MAEA: variants seen among roughly 807,000 people sequenced by gnomAD.
The protein encoded by MAEA is macrophage erythroblast attacher, E3 ubiquitin ligase, also known as E3 ubiquitin-protein transferase MAEA.
Under a neutral mutation model 46.2 loss-of-function variants are expected in MAEA, and 22 were observed. That is an observed-to-expected ratio of 0.48 (90% CI 0.34 to 0.68). MAEA has a LOEUF of 0.68. Among genes scored for constraint, MAEA ranks in the 30% least tolerant of loss-of-function variants. The probability of loss-of-function intolerance (pLI) is 0.01; values close to 1 mark genes in which losing one functional copy is unlikely to be tolerated. For missense variants in MAEA, 393 were observed against 558.1 expected, an observed-to-expected ratio of 0.70 and a Z score of 2.98; for synonymous variants, 246 against 222.6, an observed-to-expected ratio of 1.11 and a Z score of -0.94.
intron 1 of MAEA, among the ~76,000 whole-genome samples, chr4:1,295,708 CCCCCCTCACCCGCTCCTGTA>C (rs1447678467): frequency 3.2e-4 from 29 of 90,788 alleles, no homozygotes; most frequent in East Asian, 1.4e-3. Flanking sequence ...CACACCTGTA[CCCCCCTCACCCGCTCCTGTA>C]CCCCCTCACC....
intron 1 of MAEA, chr4:1,309,428 G>T: frequency 7.9e-7 from 1 of 1,273,770 alleles, no homozygotes; most frequent in South Asian, 2.9e-5. Context: ...AGAGGAGGCG[G>T]TGCTTTCCGG....
chr4:1,329,647 G>A, intron 5 of MAEA: 2 of 985,576 alleles, frequency 2.0e-6, no homozygotes, highest in South Asian at 9.4e-5. Context: ...GGGAAGTCCG[G>A]CCTCAGCTCA....
chr4:1,326,146 G>A (rs1333128577), intron 4 of MAEA, among the ~76,000 whole-genome samples: 1 of 152,214 alleles, frequency 6.6e-6, no homozygotes, highest in Non-Finnish European at 1.5e-5. Flanking sequence ...AGGCGGGGTG[G>A]GCTGGAGCAC....
chr4:1,304,321 C>T (rs186915018), intron 1 of MAEA, among the ~76,000 whole-genome samples: 25 of 151,946 alleles, frequency 1.6e-4, no homozygotes, highest in African/African-American at 4.6e-4. Context: ...TTTGTAGAGA[C>T]GGGGGTGTCT....
chr4:1,294,538 C>G lies in MAEA; in HGVS notation c.69+4556C>G, dbSNP rs377033305. 6.6e-4 allele frequency among the ~76,000 whole-genome samples: 99 copies of G among 149,686 alleles called. 3 individuals are homozygous for G. The South Asian group carries it at 0.016, about 24-fold the overall frequency. ...CCCTGGGACCTAAGCAAGGCACCGC[C>G]GCCGGGCTGCAGAGCAGGGCTGCAG... On this transcript the variant is annotated intron_variant, in intron 1 of 8. Coordinates refer to ENST00000303400, the MANE Select transcript of MAEA (RefSeq NM_001017405.3).
At chr4:1,295,051 C>G (rs780952524) in intron 1 of MAEA, among the ~76,000 whole-genome samples, 1 of 152,050 alleles carries the variant, frequency 6.6e-6, no homozygotes, top group South Asian at 2.1e-4. Flanking sequence ...GGCAGTGACT[C>G]GGTCTGTGGG....
intron 5 of MAEA, chr4:1,329,171 C>T (rs1253121859): frequency 2.0e-6 from 2 of 985,708 alleles, no homozygotes; most frequent in East Asian, 1.1e-4. Context: ...TAGGTGGCAG[C>T]TGGTTCCGCA....
At position 1,322,365 on chromosome 4, in the gene MAEA, G is replaced by C. The variant is rs745699711; in HGVS notation, c.457-16G>C. On this transcript the variant is annotated splice_polypyrimidine_tract_variant and intron_variant, in intron 3 of 8. Coordinates refer to ENST00000303400, the MANE Select transcript of MAEA (RefSeq NM_001017405.3). ...AGCCAGCACATTCTGATCAGGTGCT[G>C]CTTCCTTCCTCTAAGGACCTAGTGA... is the stretch of plus-strand genomic sequence containing the variant. 1.1e-5 allele frequency: 17 copies of C among 1,613,382 alleles called. No individual in the cohort carries two copies. The Admixed American group carries it at 2.7e-4, about 25-fold the overall frequency.
intron 1 of MAEA, among the ~76,000 whole-genome samples, chr4:1,296,471 G>A (rs894930580): frequency 3.1e-5 from 4 of 128,630 alleles, no homozygotes; most frequent in Non-Finnish European, 4.9e-5. Flanking sequence ...CCCCTCACCC[G>A]TGCCTGTGCC....
chr4:1,317,519 T>C (rs1424289858), intron 3 of MAEA, among the ~76,000 whole-genome samples: 1 of 151,830 alleles, frequency 6.6e-6, no homozygotes, highest in Non-Finnish European at 1.5e-5. Context: ...CCATGCCTTC[T>C]CCCCACTGCT....
intron 6 of MAEA, chr4:1,335,432 G>A: frequency 1.0e-6 from 1 of 985,390 alleles, no homozygotes; most frequent in Non-Finnish European, 1.2e-6. Context: ...GTCAGCACTG[G>A]CCCCACAGTG....
At chr4:1,300,577 GCTCTT>G (rs926646116) in intron 1 of MAEA, among the ~76,000 whole-genome samples, 10 of 152,274 alleles carry the variant, frequency 6.6e-5, no homozygotes, top group African/African-American at 2.4e-4. Context: ...CACGGCCCCG[GCTCTT>G]CCGTGCTGCC....
At chr4:1,316,935 C>CT (rs563606773) in intron 3 of MAEA, among the ~76,000 whole-genome samples, 38 of 145,134 alleles carry the variant, frequency 2.6e-4, no homozygotes, top group South Asian at 2.0e-3. Flanking sequence ...CAGGCCCACC[C>CT]GGCCCCACAC....
chr4:1,316,844 C>G (rs1216199172), intron 3 of MAEA, among the ~76,000 whole-genome samples: 3 of 152,048 alleles, frequency 2.0e-5, no homozygotes, highest in Non-Finnish European at 2.9e-5. Flanking sequence ...ATCTGCACGC[C>G]CTGCTGGCTT....
chr4:1,315,595 A>G lies in MAEA; in HGVS notation c.451A>G (p.Ile151Val). The G allele has an allele frequency of 6.2e-7, 1 of 1,612,756 alleles. No individual in the cohort carries two copies. The highest frequency in any genetic ancestry group is 8.5e-7 in the Non-Finnish European group (1 of 1,179,642). Residue 151 changes from isoleucine (I) to valine (V), a missense_variant, in exon 3 of 9, where the codon ATC becomes GTC. Around this residue, in one of 2 missense-constraint regions of MAEA, gnomAD observed 358 missense variants for 537.9 expected, o/e 0.67. Coordinates refer to ENST00000303400, the MANE Select transcript of MAEA (RefSeq NM_001017405.3). ...TGTCAAGCTGGCGCGCCAGAGCGGCATCGAGGTGGGTGCCCGCCAGACGCA... is the reference window on the plus strand; with the variant it reads ...TGTCAAGCTGGCGCGCCAGAGCGGCGTCGAGGTGGGTGCCCGCCAGACGCA... ...TAVKLARQSG[I>V]EDLVNIEMFL... is the part of the protein sequence containing the mutation.
chr4:1,315,667 G>GGCATGTCC, intron 3 of MAEA, 67 bp downstream of exon 3: 1 of 1,527,510 alleles, frequency 6.5e-7, no homozygotes, highest in Admixed American at 1.8e-5. Flanking sequence ...GCCGCCCTGT[G>GGCATGTCC]GCATGTCCCC....
At chr4:1,315,718 C>A in intron 3 of MAEA, 118 bp downstream of exon 3, 2 of 826,726 alleles carry the variant, frequency 2.4e-6, no homozygotes, top group South Asian at 3.3e-5. Context: ...TCCCCTCCCC[C>A]CACCCCCGTA....
chr4:1,301,326 A>G (rs904469819), intron 1 of MAEA, among the ~76,000 whole-genome samples: 3 of 152,230 alleles, frequency 2.0e-5, no homozygotes, highest in Non-Finnish European at 4.4e-5. Context: ...TGCTTGCCAC[A>G]TTCTGTTTCA....
intron 3 of MAEA, among the ~76,000 whole-genome samples, chr4:1,321,015 G>T (rs1277448216): frequency 1.3e-5 from 2 of 152,218 alleles, no homozygotes; most frequent in African/African-American, 2.4e-5. Context: ...CAGGAGAATG[G>T]TGTGAACCCA....
Sources: allele counts gnomAD v4.1 joint callset (sites outside exome capture counted in the v4.1 genomes callset), GRCh38; gene constraint gnomAD v4.1.1; regional missense constraint gnomAD v4.1.1; transcripts MANE v1.5; gene names NCBI Gene and HGNC (gene_info 2026-07-23, HGNC 2026-07-21).